The following PAK1 variants were observed in gnomAD, a reference collection of about 807,000 sequenced individuals.
PAK1 encodes serine/threonine-protein kinase PAK 1.
A neutral mutation model predicts 67.4 loss-of-function variants in PAK1; 29 were observed. That is an observed-to-expected ratio of 0.43 (90% CI 0.32 to 0.59). The LOEUF is 0.59. Among genes scored for constraint, PAK1 ranks in the 20% least tolerant of loss-of-function variants. The pLI, the probability that PAK1 is intolerant of heterozygous loss-of-function variation, is 0.07. For missense variants in PAK1, 337 were observed against 670.7 expected, an observed-to-expected ratio of 0.50 and a Z score of 5.50; for synonymous variants, 223 against 237.4, an observed-to-expected ratio of 0.94 and a Z score of 0.56.
At chr11:77,418,733 T>G (rs1025497566) in intron 1 of PAK1, among the ~76,000 whole-genome samples, 3 of 152,246 alleles carry the variant, frequency 2.0e-5, no homozygotes, top group African/African-American at 7.2e-5. Context: ...AAGTATGCCA[T>G]CTCTTTAAAC....
intron 11 of PAK1, among the ~76,000 whole-genome samples, chr11:77,339,383 A>AT (rs1262339035): frequency 1.3e-5 from 2 of 152,132 alleles, no homozygotes; most frequent in African/African-American, 4.8e-5. Flanking sequence ...GCTTAGCTAT[A>AT]TATCTGTGAT....
chr11:77,478,210 A>T (rs77271393), upstream of PAK1, among the ~76,000 whole-genome samples: 4 of 148,776 alleles, frequency 2.7e-5, no homozygotes, highest in East Asian at 5.9e-4. Flanking sequence ...CCAAGAAGTT[A>T]TTTTTTTTTT....
intron 7 of PAK1, among the ~76,000 whole-genome samples, chr11:77,354,657 T>G (rs555786783): frequency 6.6e-6 from 1 of 152,344 alleles, no homozygotes; most frequent in African/African-American, 2.4e-5. Context: ...TTTCTTACTT[T>G]GTCATTTTAT....
intron 13 of PAK1, 135 bp downstream of exon 13, chr11:77,335,951 T>A: frequency 2.0e-6 from 1 of 499,180 alleles, no homozygotes; most frequent in Non-Finnish European, 3.6e-6. Context: ...ATTTATACTT[T>A]AAGTTCAACA....
intron 10 of PAK1, among the ~76,000 whole-genome samples, chr11:77,341,475 C>A (rs1336401128): frequency 6.6e-6 from 1 of 152,124 alleles, no homozygotes; most frequent in East Asian, 1.9e-4. Context: ...TTCTGATAAG[C>A]CAAGACTACC....
rs373470184 is a variant in PAK1 at position 77,385,392 on chromosome 11, T to G, written c.191-5398A>C. Among the ~76,000 whole-genome samples, 27 of 152,314 alleles carry G rather than the reference T, an allele frequency of 1.8e-4. No homozygotes were observed. In the South Asian group the frequency reaches 5.6e-3, roughly 32 times the overall value. On this transcript the variant is annotated intron_variant, in intron 2 of 14. Transcript: ENST00000356341. Reference sequence around the variant, plus strand: ...GAACCACAAAGCATTAGAAAGGAAATAATTAATAAATTTGACCACATTAAA... The same window carrying G: ...GAACCACAAAGCATTAGAAAGGAAAGAATTAATAAATTTGACCACATTAAA...
rs1308996380 is a variant in PAK1 at position 77,329,658 on chromosome 11, C to T, written c.1551+3072G>A. ...TCAAAATAATAAGAGCTATCTATGA[C>T]AAACCCACAGCCAATATCATACTGA... On this transcript the variant is annotated intron_variant, in intron 14 of 14. Coordinates refer to ENST00000356341, the MANE Select transcript of PAK1 (RefSeq NM_002576.5). Among the ~76,000 whole-genome samples, 3 of 151,842 alleles carry T rather than the reference C, an allele frequency of 2.0e-5. No individual in the cohort carries two copies. The East Asian group carries it at 5.8e-4, about 29-fold the overall frequency.
chr11:77,433,718 G>A (rs1955972859), intron 1 of PAK1, among the ~76,000 whole-genome samples: 2 of 152,332 alleles, frequency 1.3e-5, no homozygotes, highest in African/African-American at 4.8e-5. Flanking sequence ...GACAGAGGTT[G>A]CAGTGAGTCA....
intron 6 of PAK1, among the ~76,000 whole-genome samples, chr11:77,356,856 A>C (rs1946100210): frequency 6.6e-6 from 1 of 152,198 alleles, no homozygotes; most frequent in South Asian, 2.1e-4. Context: ...TAAGCAAGCT[A>C]TATACTACTG....
intron 4 of PAK1, among the ~76,000 whole-genome samples, chr11:77,374,966 T>C (rs910249119): frequency 5.3e-5 from 8 of 152,160 alleles, no homozygotes; most frequent in African/African-American, 1.9e-4. Context: ...GAGTGAGTGA[T>C]GAGTAAATGT....
At chr11:77,525,385 G>A in the PAK1 span, among the ~76,000 whole-genome samples, 2 of 152,028 alleles carry the variant, frequency 1.3e-5, no homozygotes, top group African/African-American at 4.8e-5. Flanking sequence ...GTCCAAGAGT[G>A]ATCAGGACAT....
intron 14 of PAK1, among the ~76,000 whole-genome samples, chr11:77,327,171 A>G (rs1056840797): frequency 1.3e-5 from 2 of 152,236 alleles, no homozygotes; most frequent in Non-Finnish European, 2.9e-5. Context: ...GTATACCTGA[A>G]AGTGACGGGG....
chr11:77,408,327 T>C (rs1953936428), intron 1 of PAK1: 1 of 152,158 alleles, frequency 6.6e-6, no homozygotes, highest in South Asian at 2.1e-4. Context: ...TACATACATA[T>C]ATACACACAC....
chr11:77,503,872 T>C, the PAK1 span, among the ~76,000 whole-genome samples: 1 of 152,126 alleles, frequency 6.6e-6, no homozygotes, highest in African/African-American at 2.4e-5. Flanking sequence ...TAATTAGTAA[T>C]AAAATAAAGT....
At chr11:77,512,164 G>A in the PAK1 span, among the ~76,000 whole-genome samples, 1 of 152,116 alleles carries the variant, frequency 6.6e-6, no homozygotes, top group South Asian at 2.1e-4. Flanking sequence ...ATGGGCAACC[G>A]AATTTTGCAG....
At chr11:77,434,485 C>T (rs1956018827) in intron 1 of PAK1, among the ~76,000 whole-genome samples, 1 of 151,546 alleles carries the variant, frequency 6.6e-6, no homozygotes, top group Non-Finnish European at 1.5e-5. Flanking sequence ...TGCTATGTCA[C>T]CCCCAGGCTG....
At chr11:77,463,344 T>C (rs746037185) in intron 1 of PAK1, among the ~76,000 whole-genome samples, 3 of 152,102 alleles carry the variant, frequency 2.0e-5, no homozygotes, top group Admixed American at 1.3e-4. Context: ...TCACTGCACA[T>C]ACTCCCCTGC....
chr11:77,505,950 G>A, the PAK1 span, among the ~76,000 whole-genome samples: 1 of 152,154 alleles, frequency 6.6e-6, no homozygotes, highest in South Asian at 2.1e-4. Context: ...GCTGAGATTT[G>A]AGGGATTAGT....
At chr11:77,517,934 G>A in the PAK1 span, among the ~76,000 whole-genome samples, 1 of 152,144 alleles carries the variant, frequency 6.6e-6, no homozygotes, top group East Asian at 1.9e-4. Context: ...GCAGAGTTCA[G>A]GCAGTAATGA....
Sources: gnomAD v4.1 joint callset for allele counts (sites outside exome capture counted in the v4.1 genomes callset) on GRCh38, gnomAD v4.1.1 for gene constraint, MANE v1.5 for transcripts, NCBI Gene and HGNC (gene_info 2026-07-23, HGNC 2026-07-21) for gene names.